Variants in MPRIP observed in about 807,000 individuals in gnomAD.
The protein encoded by MPRIP is myosin phosphatase Rho interacting protein, also known as myosin phosphatase Rho-interacting protein.
Under a neutral mutation model 234.9 loss-of-function variants are expected in MPRIP, and 59 were observed. That is an observed-to-expected ratio of 0.25 (90% CI 0.20 to 0.31). The LOEUF (loss-of-function observed/expected upper bound fraction) is 0.31. Ranked by LOEUF, MPRIP falls within the 10% of genes least tolerant of loss-of-function variation. The probability of loss-of-function intolerance (pLI) is 1.00; values close to 1 mark genes in which losing one functional copy is unlikely to be tolerated. For missense variants in MPRIP, 2,436 were observed against 3,071.0 expected (o/e 0.79, Z 4.89); for synonymous variants, 1,144 against 1,263.9 (o/e 0.91, Z 2.01).
chr17:17,068,389 A>T (rs990157089), intron 1 of MPRIP, among the ~76,000 whole-genome samples: 1 of 151,310 alleles, frequency 6.6e-6, no homozygotes, highest in African/African-American at 2.4e-5. Context: ...ACCTCAGGTG[A>T]TCTGCCCACC....
intron 9 of MPRIP, among the ~76,000 whole-genome samples, chr17:17,144,503 G>C (rs889106841): frequency 3.9e-5 from 6 of 152,258 alleles, no homozygotes; most frequent in African/African-American, 1.2e-4. Flanking sequence ...ATTGGGGTCA[G>C]ATTGCAGGCT....
intron 3 of MPRIP, among the ~76,000 whole-genome samples, chr17:17,090,984 G>T (rs1262357485): frequency 6.6e-6 from 1 of 152,078 alleles, no homozygotes; most frequent in Non-Finnish European, 1.5e-5. Context: ...CCCTAACGCT[G>T]TCAGGTGGCC....
chr17:17,136,758 A>C (rs530609604), intron 6 of MPRIP, among the ~76,000 whole-genome samples: 1 of 152,314 alleles, frequency 6.6e-6, no homozygotes, highest in Non-Finnish European at 1.5e-5. Flanking sequence ...GTGGATGGGA[A>C]GGCCTCTGTC....
At chr17:17,130,908 A>G (rs2090584490) in intron 4 of MPRIP, among the ~76,000 whole-genome samples, 1 of 152,228 alleles carries the variant, frequency 6.6e-6, no homozygotes, top group African/African-American at 2.4e-5. Context: ...CTGATTTCAG[A>G]AATGAGAAGA....
At chr17:17,082,043 T>G (rs1357199262) in intron 3 of MPRIP, among the ~76,000 whole-genome samples, 1 of 152,120 alleles carries the variant, frequency 6.6e-6, no homozygotes, top group East Asian at 1.9e-4. Context: ...TGCCTTTGTT[T>G]CTCCACCTGT....
intron 1 of MPRIP, among the ~76,000 whole-genome samples, chr17:17,063,759 G>A (rs1444169675): frequency 2.0e-5 from 3 of 152,238 alleles, no homozygotes; most frequent in Admixed American, 1.3e-4. Context: ...CAGGCCACAC[G>A]GAGTGAGAGC....
chr17:17,130,066 C>G (rs879636031), intron 4 of MPRIP, among the ~76,000 whole-genome samples: 8 of 152,322 alleles, frequency 5.3e-5, no homozygotes, highest in Middle Eastern at 3.4e-3. Context: ...TCACAGCCTC[C>G]TTTCTTGTTT....
At chr17:17,085,047 G>A (rs747140953) in intron 3 of MPRIP, among the ~76,000 whole-genome samples, 1 of 152,192 alleles carries the variant, frequency 6.6e-6, no homozygotes, top group Non-Finnish European at 1.5e-5. Flanking sequence ...CTTTAAATCT[G>A]TCATGTTTCA....
chr17:17,145,197 C>CAG (rs1352335957), intron 9 of MPRIP, among the ~76,000 whole-genome samples: 1 of 152,244 alleles, frequency 6.6e-6, no homozygotes, highest in African/African-American at 2.4e-5. Context: ...GGGTTCTGAG[C>CAG]AGAGGCTCCC....
chr17:17,158,790 C>T lies in MPRIP; in HGVS notation c.2188C>T (p.Leu730=). The T allele has an allele frequency of 6.2e-7, 1 of 1,611,752 alleles. No individual in the cohort carries two copies. Among genetic ancestry groups the T allele is most frequent in the Non-Finnish European group, 8.5e-7 (1 of 1,179,902 alleles). ...TDGPGTEDAA[L]RMEVDRSPGL... ...CGGGCCAGGCACTGAGGATGCAGCC[C>T]TGCGCATGGAGGTGGACCGGAGCCC... The change falls in exon 14 of 24, where the codon CTG becomes TTG. Residue 730 remains leucine, a synonymous_variant. Coordinates refer to ENST00000651222, the MANE Select transcript of MPRIP (RefSeq NM_001364716.4).
intron 1 of MPRIP, among the ~76,000 whole-genome samples, chr17:17,068,263 G>T (rs943554619): frequency 6.6e-6 from 1 of 152,090 alleles, no homozygotes; most frequent in Non-Finnish European, 1.5e-5. Context: ...CGATTCTGCT[G>T]CCTCAGCCTC....
intron 23 of MPRIP, among the ~76,000 whole-genome samples, chr17:17,181,105 A>G (rs566291056): frequency 6.6e-6 from 1 of 152,376 alleles, no homozygotes; most frequent in South Asian, 2.1e-4. Context: ...TGGTCATTCT[A>G]GGAATGGATA....
chr17:17,076,599 C>T (rs2089334635), intron 2 of MPRIP, among the ~76,000 whole-genome samples: 1 of 152,152 alleles, frequency 6.6e-6, no homozygotes, highest in African/African-American at 2.4e-5. Flanking sequence ...ACATAAGGCC[C>T]TTGGAAATGT....
chr17:17,112,535 CT>C lies in MPRIP; in HGVS notation c.268-14166del, dbSNP rs140630843. 8.5e-3 allele frequency among the ~76,000 whole-genome samples: 1,296 copies of C among 152,350 alleles called. 13 individuals carry two copies. The highest frequency in any genetic ancestry group is 0.011 in the Non-Finnish European group (774 of 68,036). On this transcript the variant is annotated intron_variant, in intron 3 of 23. Transcript: ENST00000651222. Reference sequence around the variant, plus strand: ...AGCCCCAGCCCCTCCCCAGCTGCCCCTGTCCTCTGTACGTGGAACAGTCCTG... The same window carrying C: ...AGCCCCAGCCCCTCCCCAGCTGCCCCGTCCTCTGTACGTGGAACAGTCCTG...
rs1037832098 is a variant in MPRIP at position 17,190,112 on chromosome 17, G to A, written c.*5218G>A. 1 of 152,204 alleles carries A rather than the reference G, an allele frequency of 6.6e-6. No individual in the cohort carries two copies. The highest frequency in any genetic ancestry group is 1.5e-5 in the Non-Finnish European group (1 of 68,032). The allele number at this position is 152,204 out of a possible 1,614,324, so 9.4% of individuals were successfully genotyped here. A position where few individuals can be genotyped will look rare whatever the true frequency, so the allele number is the denominator to read the frequency against. On this transcript the variant is annotated 3_prime_UTR_variant, in exon 24 of 24. Coordinates refer to ENST00000651222, the MANE Select transcript of MPRIP (RefSeq NM_001364716.4). Reference sequence around the variant, plus strand: ...TAGCAGCTGAACGTGGGTTTTCCACGGACTTCAGGCTTGGAGGTGCCATAT... The same window carrying A: ...TAGCAGCTGAACGTGGGTTTTCCACAGACTTCAGGCTTGGAGGTGCCATAT...
intron 3 of MPRIP, among the ~76,000 whole-genome samples, chr17:17,096,483 A>G (rs892771476): frequency 2.0e-5 from 3 of 152,174 alleles, no homozygotes; most frequent in East Asian, 1.9e-4. Context: ...GAAATTCCAG[A>G]TTCTTCTGGT....
At chr17:17,122,423 G>A (rs1375701292) in intron 3 of MPRIP, among the ~76,000 whole-genome samples, 5 of 152,184 alleles carry the variant, frequency 3.3e-5, no homozygotes, top group East Asian at 3.9e-4. Context: ...GCGCAATCTC[G>A]GCTCACTGCA....
At chr17:17,111,193 G>A (rs1164355983) in intron 3 of MPRIP, among the ~76,000 whole-genome samples, 2 of 139,210 alleles carry the variant, frequency 1.4e-5, no homozygotes, top group Non-Finnish European at 3.1e-5. Flanking sequence ...GCACAGTGTC[G>A]TGGGAGAGCC....
At chr17:17,072,114 C>T (rs558183744) in intron 1 of MPRIP, among the ~76,000 whole-genome samples, 11 of 152,314 alleles carry the variant, frequency 7.2e-5, no homozygotes, top group Admixed American at 3.3e-4. Context: ...GGTGGGCGTG[C>T]GTGGGAGCCT....
Sources: gnomAD v4.1 joint callset for allele counts (sites outside exome capture counted in the v4.1 genomes callset) on GRCh38, gnomAD v4.1.1 for gene constraint, MANE v1.5 for transcripts, NCBI Gene and HGNC (gene_info 2026-07-23, HGNC 2026-07-21) for gene names.